The following CRISPLD2 variants were observed in gnomAD, a reference collection of about 807,000 sequenced individuals.
CRISPLD2 encodes cysteine-rich secretory protein LCCL domain-containing 2.
Under a neutral mutation model 71.1 loss-of-function variants are expected in CRISPLD2, and 47 were observed. The ratio of observed to expected loss-of-function variants is 0.66; its 90% confidence interval spans 0.52 to 0.84. The LOEUF (loss-of-function observed/expected upper bound fraction) is 0.84, where lower values mean the gene tolerates loss of function less well. Among genes scored for constraint, CRISPLD2 ranks in the 40% least tolerant of loss-of-function variants. The pLI, the probability that CRISPLD2 is intolerant of heterozygous loss-of-function variation, is 0.00. For missense variants in CRISPLD2, 830 were observed against 651.1 expected, an observed-to-expected ratio of 1.27 and a Z score of -2.99; for synonymous variants, 317 against 250.1, an observed-to-expected ratio of 1.27 and a Z score of -2.52.
chr16:84,884,975 G>A (rs2071599602), intron 13 of CRISPLD2, among the ~76,000 whole-genome samples: 1 of 152,230 alleles, frequency 6.6e-6, no homozygotes, highest in East Asian at 1.9e-4. Flanking sequence ...CCTGGGCCTT[G>A]CTCCTGGTAC....
At chr16:84,881,885 C>T (rs2071571557) in intron 13 of CRISPLD2, among the ~76,000 whole-genome samples, 1 of 152,128 alleles carries the variant, frequency 6.6e-6, no homozygotes, top group Non-Finnish European at 1.5e-5. Context: ...TTCCAGATTC[C>T]TGTAAATATG....
chr16:84,858,864 A>G (rs1311995388), intron 6 of CRISPLD2, among the ~76,000 whole-genome samples: 1 of 152,194 alleles, frequency 6.6e-6, no homozygotes, highest in African/African-American at 2.4e-5. Flanking sequence ...TTGCTCAAGC[A>G]ATGAAACCAC....
At chr16:84,852,349 TCTCTC>T (rs1917113041) in intron 5 of CRISPLD2, among the ~76,000 whole-genome samples, 1 of 32,412 alleles carries the variant, frequency 3.1e-5, no homozygotes, top group Non-Finnish European at 1.1e-4. Context: ...CCCCAGAGGC[TCTCTC>T]GTGCCCTACA....
At chr16:84,892,133 T>C (rs1305652510) in intron 14 of CRISPLD2, among the ~76,000 whole-genome samples, 1 of 152,134 alleles carries the variant, frequency 6.6e-6, no homozygotes, top group Non-Finnish European at 1.5e-5. Context: ...ACCTGCCCCC[T>C]GGGGTGGTGG....
intron 5 of CRISPLD2, among the ~76,000 whole-genome samples, chr16:84,854,315 C>T (rs113067468): frequency 1.3e-5 from 2 of 152,092 alleles, no homozygotes; most frequent in South Asian, 2.1e-4. Context: ...AACTGGGAAA[C>T]GCAAGCCGTC....
chr16:84,852,229 G>A (rs1917109198), intron 5 of CRISPLD2, among the ~76,000 whole-genome samples: 1 of 152,216 alleles, frequency 6.6e-6, no homozygotes, highest in East Asian at 1.9e-4. Context: ...TCACATTGTG[G>A]GTGAGGGTTT....
chr16:84,842,061 T>G (rs974639388), intron 2 of CRISPLD2: 4 of 152,600 alleles, frequency 2.6e-5, no homozygotes, highest in African/African-American at 9.6e-5. Flanking sequence ...GCATTGCCCA[T>G]GGGTCAGGGC....
chr16:84,900,092 C>T (rs1296596859), intron 14 of CRISPLD2, among the ~76,000 whole-genome samples: 1 of 152,286 alleles, frequency 6.6e-6, no homozygotes, highest in Middle Eastern at 3.4e-3. Context: ...CACTCTTTCT[C>T]CTCCTCTTGG....
chr16:84,877,865 A>C (rs2071533491), intron 12 of CRISPLD2, among the ~76,000 whole-genome samples: 1 of 151,258 alleles, frequency 6.6e-6, no homozygotes. Flanking sequence ...AATAAAATAC[A>C]AATTAAAAAT....
chr16:84,886,705 C>T (rs2071616696), intron 13 of CRISPLD2, among the ~76,000 whole-genome samples: 1 of 152,290 alleles, frequency 6.6e-6, no homozygotes, highest in Non-Finnish European at 1.5e-5. Flanking sequence ...TGCCTGCGAT[C>T]CCAGCTACTT....
intron 8 of CRISPLD2, among the ~76,000 whole-genome samples, chr16:84,870,952 G>A (rs145281009): frequency 2.0e-4 from 31 of 152,214 alleles, no homozygotes; most frequent in Non-Finnish European, 3.4e-4. Flanking sequence ...CAGCTACTCG[G>A]GAGGCTGAGG....
chr16:84,861,569 C>T (rs910620302), intron 6 of CRISPLD2, among the ~76,000 whole-genome samples: 1 of 152,118 alleles, frequency 6.6e-6, no homozygotes, highest in African/African-American at 2.4e-5. Flanking sequence ...GCTATGGCAG[C>T]TGATTAGATG....
chr16:84,868,550 C>G (rs1010530920), intron 7 of CRISPLD2, among the ~76,000 whole-genome samples: 2 of 152,186 alleles, frequency 1.3e-5, no homozygotes, highest in East Asian at 1.9e-4. Flanking sequence ...AGTTCACTTT[C>G]TCTCTCAAGG....
chr16:84,905,561 G>C (rs960424144), intron 14 of CRISPLD2, among the ~76,000 whole-genome samples: 9 of 151,888 alleles, frequency 5.9e-5, no homozygotes, highest in African/African-American at 2.2e-4. Context: ...ATCATGCCTG[G>C]CTAATTGTTT....
Position 84,908,098 on chromosome 16 carries a change from C to G in CRISPLD2, c.*1456C>G, listed in dbSNP as rs978977532. 7 of 152,218 alleles carry G rather than the reference C, an allele frequency of 4.6e-5. No individual in the cohort carries two copies. Among genetic ancestry groups the G allele is most frequent in the Middle Eastern group, 3.2e-3 (1 of 316 alleles). The allele number at this position is 152,218 out of a possible 1,614,324, so 9.4% of individuals were successfully genotyped here. On this transcript the variant is annotated 3_prime_UTR_variant, in exon 15 of 15. Coordinates refer to ENST00000262424, the MANE Select transcript of CRISPLD2 (RefSeq NM_031476.4). ...AAGTCAAAAACTAAGATACTGTAGACTGGACAAGAAATTCTACCTGGGCAC... is the reference window on the plus strand; with the variant it reads ...AAGTCAAAAACTAAGATACTGTAGAGTGGACAAGAAATTCTACCTGGGCAC...
intron 13 of CRISPLD2, among the ~76,000 whole-genome samples, chr16:84,888,006 C>G (rs2071628048): frequency 6.6e-6 from 1 of 152,176 alleles, no homozygotes; most frequent in South Asian, 2.1e-4. Context: ...TGTTAGGTTC[C>G]TATTACTGTT....
At position 84,880,591 on chromosome 16, in the gene CRISPLD2, A is replaced by G. The variant is rs111425745; in HGVS notation, c.1305+7A>G. On this transcript the variant is annotated splice_region_variant and intron_variant, in intron 13 of 14. Transcript: ENST00000262424. ...AACCAACATCTATGCAGATGTGAGT[A>G]GGATGCATTTTCAACAACTATCTCG... 6.2e-7 allele frequency: 1 copy of G among 1,611,208 alleles called. No individual in the cohort carries two copies. The highest frequency in any genetic ancestry group is 1.1e-5 in the South Asian group (1 of 90,914).
chr16:84,864,662 G>C (rs1319541745), intron 6 of CRISPLD2, among the ~76,000 whole-genome samples: 6 of 152,204 alleles, frequency 3.9e-5, no homozygotes, highest in African/African-American at 1.4e-4. Flanking sequence ...TAGGTGACAG[G>C]ATTCTCTGGG....
intron 14 of CRISPLD2, among the ~76,000 whole-genome samples, chr16:84,902,259 C>A: frequency 6.6e-6 from 1 of 152,174 alleles, no homozygotes; most frequent in East Asian, 1.9e-4. Flanking sequence ...GGTGCTTCCA[C>A]GAACTGAGCA....
Sources: allele counts gnomAD v4.1 joint callset (sites outside exome capture counted in the v4.1 genomes callset), GRCh38; gene constraint gnomAD v4.1.1; transcripts MANE v1.5; gene names NCBI Gene and HGNC (gene_info 2026-07-23, HGNC 2026-07-21).